PTPRD: variants seen among roughly 807,000 people sequenced by gnomAD.
The protein encoded by PTPRD is protein tyrosine phosphatase receptor type D.
A neutral mutation model predicts 214.5 loss-of-function variants in PTPRD; 34 were observed. The ratio of observed to expected loss-of-function variants is 0.16; its 90% CI spans 0.12 to 0.21. The LOEUF is 0.21. Ranked by LOEUF, PTPRD falls within the 10% of genes least tolerant of loss-of-function variation. The pLI is 1.00. For synonymous variants in PTPRD, 1,128 were observed against 845.7 expected (o/e 1.33, Z -5.79); for missense variants, 2,545 against 2,398.7 (o/e 1.06, Z -1.27).
intron 8 of PTPRD, among the ~76,000 whole-genome samples, chr9:9,515,697 G>C (rs968061796): frequency 1.3e-5 from 2 of 151,664 alleles, no homozygotes; most frequent in African/African-American, 2.4e-5. Context: ...ATATCTATAT[G>C]TTAATAATTA....
intron 8 of PTPRD, among the ~76,000 whole-genome samples, chr9:9,402,085 G>C (rs896194039): frequency 2.7e-4 from 41 of 152,116 alleles, no homozygotes; most frequent in African/African-American, 9.6e-4. Flanking sequence ...AACGAAAGTT[G>C]GTTCATTTTT....
At chr9:10,127,333 A>G (rs1487311542) in intron 3 of PTPRD, among the ~76,000 whole-genome samples, 1 of 152,180 alleles carries the variant, frequency 6.6e-6, no homozygotes, top group Non-Finnish European at 1.5e-5. Flanking sequence ...TCTCAAAATA[A>G]TGTGGCAAAA....
At chr9:10,395,088 C>T (rs925128597) in intron 2 of PTPRD, among the ~76,000 whole-genome samples, 2 of 150,780 alleles carry the variant, frequency 1.3e-5, no homozygotes, top group African/African-American at 4.9e-5. Context: ...TCTATTTCTG[C>T]AGGCTTTCTT....
chr9:8,682,100 G>C (rs79283971), intron 12 of PTPRD, among the ~76,000 whole-genome samples: 1 of 152,040 alleles, frequency 6.6e-6, no homozygotes, highest in East Asian at 1.9e-4. Context: ...GCAAAATAGC[G>C]ATATAGACAC....
intron 2 of PTPRD, among the ~76,000 whole-genome samples, chr9:10,586,355 A>G (rs987106606): frequency 2.6e-5 from 4 of 152,062 alleles, no homozygotes; most frequent in African/African-American, 7.2e-5. Flanking sequence ...AATACTAAAT[A>G]TAGACTGGTA....
intron 11 of PTPRD, among the ~76,000 whole-genome samples, chr9:8,863,655 A>G (rs762916095): frequency 1.3e-5 from 2 of 152,182 alleles, no homozygotes; most frequent in Admixed American, 6.5e-5. Flanking sequence ...GAGGCCACCT[A>G]TCTTTACATT....
intron 34 of PTPRD, among the ~76,000 whole-genome samples, chr9:8,443,954 A>T (rs978424442): frequency 6.6e-6 from 1 of 152,182 alleles, no homozygotes; most frequent in Non-Finnish European, 1.5e-5. Context: ...GTTTATTTTC[A>T]TCATTTTGCC....
chr9:9,528,845 AT>A (rs1209071785), intron 8 of PTPRD, among the ~76,000 whole-genome samples: 4 of 151,934 alleles, frequency 2.6e-5, no homozygotes, highest in Non-Finnish European at 5.9e-5. Context: ...TCATTCAAGA[AT>A]TTTTTCCCAT....
chr9:9,502,608 C>T (rs575167126), intron 8 of PTPRD, among the ~76,000 whole-genome samples: 1 of 151,904 alleles, frequency 6.6e-6, no homozygotes, highest in South Asian at 2.1e-4. Flanking sequence ...GAAATAAAAA[C>T]ATTTGTTTAT....
At chr9:8,739,287 G>A (rs531578617) in intron 11 of PTPRD, among the ~76,000 whole-genome samples, 4 of 152,202 alleles carry the variant, frequency 2.6e-5, no homozygotes, top group Non-Finnish European at 5.9e-5. Flanking sequence ...ACATTTCACT[G>A]ACTTGTGGAT....
At chr9:9,293,095 CCA>C (rs1489080765) in intron 9 of PTPRD, among the ~76,000 whole-genome samples, 1 of 151,410 alleles carries the variant, frequency 6.6e-6, no homozygotes, top group African/African-American at 2.4e-5. Flanking sequence ...TGTGCACATC[CCA>C]TATGGAAGTG....
At chr9:10,002,994 C>G (rs1352281996) in intron 4 of PTPRD, among the ~76,000 whole-genome samples, 7 of 151,304 alleles carry the variant, frequency 4.6e-5, no homozygotes, top group African/African-American at 1.7e-4. Context: ...AGACCACCAA[C>G]TAAAATGAGA....
intron 11 of PTPRD, among the ~76,000 whole-genome samples, chr9:8,762,613 A>C (rs1438267969): frequency 6.6e-6 from 1 of 151,860 alleles, no homozygotes; most frequent in African/African-American, 2.4e-5. Flanking sequence ...TCAATAGAAA[A>C]CCTCTTTTAA....
At chr9:9,259,880 A>G (rs79296080) in intron 9 of PTPRD, among the ~76,000 whole-genome samples, 2,027 of 151,956 alleles carry the variant, frequency 0.013, 48 homozygotes, top group African/African-American at 0.047. Context: ...TCTAGGGAAG[A>G]TGAACTTAGG....
chr9:8,908,432 A>G (rs1030568748), intron 11 of PTPRD, among the ~76,000 whole-genome samples: 1 of 152,180 alleles, frequency 6.6e-6, no homozygotes, highest in Non-Finnish European at 1.5e-5. Context: ...GAAATCAACA[A>G]CAGAAAAAAA....
At chr9:9,557,850 G>C (rs770109356) in intron 8 of PTPRD, among the ~76,000 whole-genome samples, 13 of 152,184 alleles carry the variant, frequency 8.5e-5, no homozygotes, top group Non-Finnish European at 1.6e-4. Flanking sequence ...TGGGCAGAAA[G>C]AACACTCAGG....
At chr9:10,214,358 C>G (rs753819487) in intron 3 of PTPRD, among the ~76,000 whole-genome samples, 1 of 151,814 alleles carries the variant, frequency 6.6e-6, no homozygotes, top group East Asian at 1.9e-4. Flanking sequence ...CTCACTGCAA[C>G]CTCTACCTCC....
intron 3 of PTPRD, among the ~76,000 whole-genome samples, chr9:10,044,706 T>G (rs2097358102): frequency 6.6e-6 from 1 of 151,786 alleles, no homozygotes; most frequent in Non-Finnish European, 1.5e-5. Context: ...TCTGAAGTTT[T>G]CAGAGAGAGT....
chr9:10,033,699 T>C lies in PTPRD; in HGVS notation c.-472+19A>G, dbSNP rs1201455673. ...TAAATTGAGCATTAAAAAGAAAAAT[T>C]AGAATGAGTGAGACTTACCAATGTA... On this transcript the variant is annotated intron_variant, in intron 4 of 45. Coordinates refer to ENST00000381196, the MANE Select transcript of PTPRD (RefSeq NM_002839.4). 1 of 152,042 alleles carries C rather than the reference T, an allele frequency of 6.6e-6. No individual in the cohort carries two copies. The highest frequency in any genetic ancestry group is 2.4e-5 in the African/African-American group (1 of 41,424). 9.4% of individuals were successfully genotyped at this position (152,042 alleles called of 1,614,324 possible). A position where few individuals can be genotyped will look rare whatever the true frequency, so the allele number is the denominator to read the frequency against.
Sources: gnomAD v4.1 joint callset for allele counts (sites outside exome capture counted in the v4.1 genomes callset) on GRCh38, gnomAD v4.1.1 for gene constraint, MANE v1.5 for transcripts, NCBI Gene and HGNC (gene_info 2026-07-23, HGNC 2026-07-21) for gene names.